PAFAH1B2: variants seen among roughly 807,000 people sequenced by gnomAD.
PAFAH1B2 encodes the protein platelet activating factor acetylhydrolase 1b catalytic subunit 2, also known as platelet-activating factor acetylhydrolase IB subunit alpha2.
Under a neutral mutation model 28.0 loss-of-function variants are expected in PAFAH1B2, and 8 were observed. The observed-to-expected ratio is 0.29, with a 90% CI of 0.17 to 0.52. The LOEUF is 0.52. Ranked by LOEUF, PAFAH1B2 falls within the 20% of genes least tolerant of loss-of-function variation. The pLI, the probability that PAFAH1B2 is intolerant of heterozygous loss-of-function variation, is 0.97. For missense variants in PAFAH1B2, 190 were observed against 282.6 expected (o/e 0.67, Z 2.35); for synonymous variants, 104 against 103.2 (o/e 1.01, Z -0.05).
Position 117,168,445 on chromosome 11 carries a change from C to CCTTTT in PAFAH1B2, c.*746_*747insCTTTT, listed in dbSNP as rs1565274998. 1.7e-5 allele frequency: 6 copies of CCTTTT among 354,314 alleles called. No individual in the cohort carries two copies. Among genetic ancestry groups the CCTTTT allele is most frequent in the African/African-American group, 1.1e-4 (2 of 19,024 alleles). The allele number at this position is 354,314 out of a possible 1,614,324, so 21.9% of individuals were successfully genotyped here. On this transcript the variant is annotated 3_prime_UTR_variant, in exon 6 of 6. Coordinates refer to ENST00000527958, the MANE Select transcript of PAFAH1B2 (RefSeq NM_002572.4). ...TTCCCCTTCATTCCCCCCGCCACCC[C>CCTTTT]GTTTTTTTTTTTTTTTTTTTTTTTT...
chr11:117,177,943 C>G (rs2030075645), downstream of PAFAH1B2, among the ~76,000 whole-genome samples: 1 of 152,172 alleles, frequency 6.6e-6, no homozygotes, highest in African/African-American at 2.4e-5. Flanking sequence ...TAACCAATCC[C>G]TCATTATGGA....
intron 2 of PAFAH1B2, among the ~76,000 whole-genome samples, chr11:117,153,831 T>C (rs1214468953): frequency 6.6e-6 from 1 of 152,178 alleles, no homozygotes; most frequent in Non-Finnish European, 1.5e-5. Flanking sequence ...AGGATAGTTA[T>C]TAAAATCATG....
At chr11:117,171,675 AGG>A (rs34505278), downstream of PAFAH1B2, 1 of 1,532,496 alleles carries the variant, frequency 6.5e-7, no homozygotes, top group Non-Finnish European at 8.7e-7. Context: ...GACTAGAACA[AGG>A]GTCGGTTAAC....
intron 1 of PAFAH1B2, among the ~76,000 whole-genome samples, chr11:117,146,710 AAC>A (rs1235799642): frequency 6.6e-6 from 1 of 151,912 alleles, no homozygotes; most frequent in Non-Finnish European, 1.5e-5. Context: ...CAAAAAACAA[AAC>A]ACAGCCGGCT....
chr11:117,166,030 G>A (rs1305811305), intron 5 of PAFAH1B2, among the ~76,000 whole-genome samples: 2 of 152,074 alleles, frequency 1.3e-5, no homozygotes, highest in African/African-American at 4.8e-5. Context: ...TAGTAGAAAC[G>A]GGGTTTCACC....
downstream of PAFAH1B2, chr11:117,171,124 A>G (rs976083623): frequency 1.6e-5 from 15 of 939,984 alleles, no homozygotes; most frequent in Non-Finnish European, 1.9e-5. Context: ...CTGCCTTATC[A>G]TAAGGAAATT....
chr11:117,165,661 A>G (rs1956490331), intron 5 of PAFAH1B2, among the ~76,000 whole-genome samples: 1 of 152,172 alleles, frequency 6.6e-6, no homozygotes, highest in African/African-American at 2.4e-5. Flanking sequence ...TCTGCATTCA[A>G]AGACTTCATT....
At chr11:117,150,459 G>GT (rs775523965) in intron 1 of PAFAH1B2, among the ~76,000 whole-genome samples, 8,915 of 143,344 alleles carry the variant, frequency 0.062, 839 homozygotes, top group African/African-American at 0.21. Context: ...CGATGATGTT[G>GT]TTTTTTTTTT....
At chr11:117,149,414 A>G (rs1443326354) in intron 1 of PAFAH1B2, among the ~76,000 whole-genome samples, 3 of 144,272 alleles carry the variant, frequency 2.1e-5, no homozygotes, top group Non-Finnish European at 4.5e-5. Context: ...TTTAATTTAA[A>G]AAAAGTTTTC....
Position 117,169,837 on chromosome 11 carries a change from T to G in PAFAH1B2, c.*2138T>G. 2 of 1,055,484 alleles carry G rather than the reference T, an allele frequency of 1.9e-6. No individual in the cohort carries two copies. Among genetic ancestry groups the G allele is most frequent in the Non-Finnish European group, 2.3e-6 (2 of 873,160 alleles). The allele number at this position is 1,055,484 out of a possible 1,614,324, so 65.4% of individuals were successfully genotyped here. ...TTTTCTATCCACGTCTTTTTCTGTTTGTCAGAAGGTGGGAGTATGGTCCAA... is the reference window on the plus strand; with the variant it reads ...TTTTCTATCCACGTCTTTTTCTGTTGGTCAGAAGGTGGGAGTATGGTCCAA... On this transcript the variant is annotated 3_prime_UTR_variant, in exon 6 of 6. Coordinates refer to ENST00000527958, the MANE Select transcript of PAFAH1B2 (RefSeq NM_002572.4).
intron 2 of PAFAH1B2, among the ~76,000 whole-genome samples, chr11:117,153,515 C>G (rs1481156595): frequency 3.3e-5 from 5 of 152,056 alleles, no homozygotes; most frequent in African/African-American, 1.2e-4. Flanking sequence ...CTTAGCCTCC[C>G]AAGTAGCTGG....
At chr11:117,158,757 C>T (rs1413504109) in intron 2 of PAFAH1B2, among the ~76,000 whole-genome samples, 1 of 150,858 alleles carries the variant, frequency 6.6e-6, no homozygotes, top group African/African-American at 2.4e-5. Context: ...CGATTCTCCT[C>T]CCTTAGCCTC....
intron 2 of PAFAH1B2, among the ~76,000 whole-genome samples, chr11:117,156,861 CA>C (rs1956265702): frequency 6.6e-6 from 1 of 151,558 alleles, no homozygotes. Context: ...CAAAAAATGC[CA>C]AAAATAAAAG....
intron 2 of PAFAH1B2, among the ~76,000 whole-genome samples, chr11:117,158,251 A>C (rs963709365): frequency 3.9e-5 from 6 of 152,014 alleles, no homozygotes; most frequent in Non-Finnish European, 7.4e-5. Flanking sequence ...GATGTTGCCC[A>C]GGCTGGTCTC....
In PAFAH1B2 at chr11:117,156,500, A is replaced by G. The variant is rs114995001; in HGVS notation, c.82-3434A>G. ...AAGAGGTGTCCATGATGCTTAAACTATGTAAAAGGGGTAACAGAGGACATG... is the reference window on the plus strand; with the variant it reads ...AAGAGGTGTCCATGATGCTTAAACTGTGTAAAAGGGGTAACAGAGGACATG... On this transcript the variant is annotated intron_variant, in intron 2 of 5. Transcript: ENST00000527958. 5.4e-3 allele frequency among the ~76,000 whole-genome samples: 830 copies of G among 152,318 alleles called. 8 individuals carry two copies. The highest frequency in any genetic ancestry group is 0.019 in the African/African-American group (797 of 41,562).
chr11:117,160,500 T>C (rs1478499097), intron 3 of PAFAH1B2, among the ~76,000 whole-genome samples: 2 of 152,200 alleles, frequency 1.3e-5, no homozygotes, highest in Non-Finnish European at 2.9e-5. Context: ...ATTTATTTTT[T>C]TGAGACAGTC....
At chr11:117,150,364 G>T (rs1484942195) in intron 1 of PAFAH1B2, among the ~76,000 whole-genome samples, 2 of 151,864 alleles carry the variant, frequency 1.3e-5, no homozygotes, top group Non-Finnish European at 2.9e-5. Context: ...TGGCCAGGCT[G>T]GTCTTGAACT....
Position 117,168,199 on chromosome 11 carries a change from C to T in PAFAH1B2, c.*500C>T, listed in dbSNP as rs1956555741. ...TACTGAATATTTTATTAACATGTAG[C>T]ATCAGGTTGAACATGCTTGTCATTG... On this transcript the variant is annotated 3_prime_UTR_variant, in exon 6 of 6. Coordinates refer to ENST00000527958, the MANE Select transcript of PAFAH1B2 (RefSeq NM_002572.4). 8.6e-6 allele frequency: 9 copies of T among 1,048,708 alleles called. No individual in the cohort carries two copies. The highest frequency in any genetic ancestry group is 9.2e-6 in the Non-Finnish European group (8 of 865,776). The allele number at this position is 1,048,708 out of a possible 1,614,324, so 65.0% of individuals were successfully genotyped here.
downstream of PAFAH1B2, among the ~76,000 whole-genome samples, chr11:117,172,420 TTTTTTTTTTA>T: frequency 1.3e-4 from 2 of 15,524 alleles, no homozygotes; most frequent in Non-Finnish European, 2.6e-4. Context: ...TTTTTTTTTT[TTTTTTTTTTA>T]CATTCTGGTC....
Sources: gnomAD v4.1 joint callset for allele counts (sites outside exome capture counted in the v4.1 genomes callset) on GRCh38, gnomAD v4.1.1 for gene constraint, MANE v1.5 for transcripts, NCBI Gene and HGNC (gene_info 2026-07-23, HGNC 2026-07-21) for gene names.